The following RBFOX1 variants were observed in gnomAD, a reference collection of about 807,000 sequenced individuals.
RBFOX1 encodes RNA binding fox-1 homolog 1.
In RBFOX1, 8 loss-of-function variants were observed where a neutral mutation model predicts 57.7. The observed-to-expected ratio is 0.14, with a 90% CI of 0.08 to 0.25. The LOEUF is 0.25. Ranked by LOEUF, RBFOX1 falls within the 10% of genes least tolerant of loss-of-function variation. The pLI is 1.00. For synonymous variants in RBFOX1, 326 were observed against 222.4 expected (o/e 1.47, Z -4.15); for missense variants, 611 against 548.5 (o/e 1.11, Z -1.14).
chr16:6,817,718 A>G (rs1459439615), intron 3 of RBFOX1, among the ~76,000 whole-genome samples: 2 of 151,744 alleles, frequency 1.3e-5, no homozygotes, highest in Non-Finnish European at 2.9e-5. Flanking sequence ...AAAAAAAAAC[A>G]AACAAAAAAA....
At chr16:7,047,079 C>T (rs1262770615) in intron 3 of RBFOX1, among the ~76,000 whole-genome samples, 1 of 129,548 alleles carries the variant, frequency 7.7e-6, no homozygotes, top group Non-Finnish European at 1.6e-5. Context: ...AGCCATTAAA[C>T]ATATTTTAAT....
intron 2 of RBFOX1, among the ~76,000 whole-genome samples, chr16:6,519,912 C>A (rs2096465923): frequency 6.6e-6 from 1 of 152,144 alleles, no homozygotes; most frequent in African/African-American, 2.4e-5. Context: ...GGGTTTGGCC[C>A]CATGCTCTTA....
At chr16:6,452,048 C>T (rs922693458) in intron 2 of RBFOX1, among the ~76,000 whole-genome samples, 33 of 150,936 alleles carry the variant, frequency 2.2e-4, no homozygotes, top group African/African-American at 7.6e-4. Context: ...CCTTCCATGG[C>T]TCCATCCATG....
At chr16:6,864,708 T>C (rs2059605663) in intron 3 of RBFOX1, among the ~76,000 whole-genome samples, 1 of 152,136 alleles carries the variant, frequency 6.6e-6, no homozygotes. Flanking sequence ...CATGGAATCC[T>C]GAAGAAAAAG....
At chr16:6,696,246 A>G (rs796382200) in intron 3 of RBFOX1, among the ~76,000 whole-genome samples, 20 of 152,334 alleles carry the variant, frequency 1.3e-4, no homozygotes, top group African/African-American at 4.8e-4. Context: ...TTGTACCACT[A>G]TTACAGGCAC....
At chr16:5,324,145 G>C (rs988363901) in intron 1 of RBFOX1, among the ~76,000 whole-genome samples, 2 of 152,162 alleles carry the variant, frequency 1.3e-5, no homozygotes, top group Non-Finnish European at 2.9e-5. Context: ...CAGCAGCACG[G>C]GCATCACCTG....
At chr16:7,194,646 G>T (rs1334060012) in intron 4 of RBFOX1, among the ~76,000 whole-genome samples, 1 of 152,114 alleles carries the variant, frequency 6.6e-6, no homozygotes, top group Non-Finnish European at 1.5e-5. Context: ...GGTGAATTTA[G>T]CCCAGGCACA....
intron 4 of RBFOX1, among the ~76,000 whole-genome samples, chr16:7,100,449 G>C (rs1324503008): frequency 6.6e-6 from 1 of 151,676 alleles, no homozygotes; most frequent in Non-Finnish European, 1.5e-5. Context: ...AATTTTCATA[G>C]ATACCCATTT....
At chr16:7,489,290 A>G (rs1051994547) in intron 4 of RBFOX1, among the ~76,000 whole-genome samples, 39 of 152,160 alleles carry the variant, frequency 2.6e-4, no homozygotes, top group African/African-American at 9.2e-4. Context: ...TTGGTTAAGC[A>G]TTTACTAAAT....
intron 4 of RBFOX1, among the ~76,000 whole-genome samples, chr16:7,378,290 G>A (rs1203969524): frequency 6.6e-6 from 1 of 152,190 alleles, no homozygotes; most frequent in Non-Finnish European, 1.5e-5. Flanking sequence ...GGAGGCAAGG[G>A]AAACGTAGTG....
intron 4 of RBFOX1, among the ~76,000 whole-genome samples, chr16:5,923,530 CTTTTTTTTT>C (rs71404564): frequency 9.1e-6 from 1 of 109,376 alleles, no homozygotes; most frequent in Non-Finnish European, 1.8e-5. Context: ...CAGAGCCAGG[CTTTTTTTTT>C]TTTTTTTTTT....
At chr16:7,293,024 G>T (rs1202869594) in intron 4 of RBFOX1, among the ~76,000 whole-genome samples, 2 of 152,108 alleles carry the variant, frequency 1.3e-5, no homozygotes, top group African/African-American at 4.8e-5. Context: ...GGCAGAGAAA[G>T]TCTGGAACCA....
intron 2 of RBFOX1, among the ~76,000 whole-genome samples, chr16:6,412,374 C>T (rs1596822739): frequency 2.6e-5 from 4 of 152,064 alleles, no homozygotes; most frequent in East Asian, 1.9e-4. Context: ...TTCAGTCTTC[C>T]GTTTCTACCT....
At chr16:6,808,494 A>G (rs1302001704) in intron 3 of RBFOX1, among the ~76,000 whole-genome samples, 2 of 152,132 alleles carry the variant, frequency 1.3e-5, no homozygotes, top group Non-Finnish European at 2.9e-5. Flanking sequence ...CAGATGGAAA[A>G]TAAAACAGCA....
intron 3 of RBFOX1, among the ~76,000 whole-genome samples, chr16:6,991,368 C>T (rs2091421908): frequency 6.6e-6 from 1 of 152,118 alleles, no homozygotes; most frequent in Admixed American, 6.5e-5. Flanking sequence ...AGGCCCTGGA[C>T]AGGATGCCTG....
chr16:5,788,636 A>T (rs1257216317), intron 3 of RBFOX1, among the ~76,000 whole-genome samples: 2 of 152,178 alleles, frequency 1.3e-5, no homozygotes, highest in African/African-American at 4.8e-5. Context: ...CTCAATAAAT[A>T]AATGATAAAT....
chr16:6,928,390 C>T (rs1037109557), intron 3 of RBFOX1, among the ~76,000 whole-genome samples: 2 of 152,076 alleles, frequency 1.3e-5, no homozygotes, highest in African/African-American at 4.8e-5. Context: ...ACAAAGGGCC[C>T]TGTGGGAGCA....
At chr16:7,314,004 T>G (rs2096381170) in intron 4 of RBFOX1, among the ~76,000 whole-genome samples, 1 of 151,812 alleles carries the variant, frequency 6.6e-6, no homozygotes, top group Admixed American at 6.6e-5. Context: ...AGGAAAGAGT[T>G]CAGGCGACCT....
chr16:6,613,748 C>A (rs2098103319), intron 2 of RBFOX1, among the ~76,000 whole-genome samples: 1 of 152,168 alleles, frequency 6.6e-6, no homozygotes, highest in East Asian at 1.9e-4. Context: ...ACCGGCCTGG[C>A]CAACATGGCG....
Sources: allele counts gnomAD v4.1 joint callset (sites outside exome capture counted in the v4.1 genomes callset), GRCh38; gene constraint gnomAD v4.1.1; transcripts MANE v1.5; gene names NCBI Gene and HGNC (gene_info 2026-07-23, HGNC 2026-07-21).